PADI4: variants seen among roughly 807,000 people sequenced by gnomAD.
The protein encoded by PADI4 is peptidyl arginine deiminase 4, also known as protein-arginine deiminase type-4.
A neutral mutation model predicts 75.0 loss-of-function variants in PADI4; 62 were observed. The observed-to-expected ratio is 0.83, with a 90% CI of 0.67 to 1.02. PADI4 has a LOEUF of 1.02. PADI4 is among the 50% of genes least tolerant of loss of function. The pLI, the probability that PADI4 is intolerant of heterozygous loss-of-function variation, is 0.00. For missense variants in PADI4, 845 were observed against 850.5 expected, an observed-to-expected ratio of 0.99 and a Z score of 0.08; for synonymous variants, 361 against 348.1, an observed-to-expected ratio of 1.04 and a Z score of -0.41.
Position 17,331,122 on chromosome 1 carries a change from G to C in PADI4, c.246G>C (p.Val82=). The change falls in exon 2 of 16, where the codon GTG becomes GTC. Residue 82 remains valine (V), a synonymous_variant. Coordinates refer to ENST00000375448, the MANE Select transcript of PADI4 (RefSeq NM_012387.3). ...TAGAGGTGACCCTGACGATGAAAGT[G>C]GCCAGTGGTAGCACAGGCGACCAGA... The part of the protein sequence containing the change: ...PGVEVTLTMK[V]ASGSTGDQKV... The C allele has an allele frequency of 1.2e-6, 2 of 1,611,090 alleles. No homozygotes were observed. Among genetic ancestry groups the C allele is most frequent in the Non-Finnish European group, 1.7e-6 (2 of 1,178,684 alleles).
At chr1:17,359,507 C>T in intron 15 of PADI4, 99 bp downstream of exon 15, 11 of 1,523,630 alleles carry the variant, frequency 7.2e-6, no homozygotes, top group South Asian at 1.2e-5. Flanking sequence ...GGGCTTGGCT[C>T]CTCTCTGTAA....
At chr1:17,310,412 C>T (rs2073799322) in intron 1 of PADI4, among the ~76,000 whole-genome samples, 1 of 152,170 alleles carries the variant, frequency 6.6e-6, no homozygotes, top group African/African-American at 2.4e-5. Flanking sequence ...GCGCCTCCCT[C>T]CCATCTCCTG....
Position 17,346,222 on chromosome 1 carries a change from C to A in PADI4, c.1047+83C>A. 2.4e-6 allele frequency: 2 copies of A among 816,960 alleles called. No homozygotes were observed. Among genetic ancestry groups the A allele is most frequent in the South Asian group, 1.5e-5 (1 of 66,610 alleles). The allele number at this position is 816,960 out of a possible 1,614,324, so 50.6% of individuals were successfully genotyped here. ...GGGACCCGGGCTCCTGGGGTTCAGCCTGGTGCCTCACCGGCCACTCTTCCT... is the reference window on the plus strand; with the variant it reads ...GGGACCCGGGCTCCTGGGGTTCAGCATGGTGCCTCACCGGCCACTCTTCCT... On this transcript the variant is annotated intron_variant, in intron 9 of 15. Coordinates refer to ENST00000375448, the MANE Select transcript of PADI4 (RefSeq NM_012387.3). This position sits in a 1 kb window ranked among gnomAD's most constrained non-coding sequence, Gnocchi z 4.3.
At position 17,351,164 on chromosome 1, in the gene PADI4, C is replaced by G. The variant is rs149998177; in HGVS notation, c.1155+3116C>G. Among the ~76,000 whole-genome samples, 368 of 133,424 alleles carry G rather than the reference C, an allele frequency of 2.8e-3. 15 individuals carry two copies. Among genetic ancestry groups the G allele is most frequent in the African/African-American group, 9.1e-3 (345 of 37,950 alleles). The allele number at this position is 133,424 out of a possible 152,430, so 87.5% of individuals were successfully genotyped here. ...AGCGAGTCATGATTGCACTTCTGCACTCCAGTCTGGGTGACAGATGAGACC... is the reference window on the plus strand; with the variant it reads ...AGCGAGTCATGATTGCACTTCTGCAGTCCAGTCTGGGTGACAGATGAGACC... On this transcript the variant is annotated intron_variant, in intron 10 of 15. Transcript: ENST00000375448.
intron 1 of PADI4, among the ~76,000 whole-genome samples, chr1:17,323,422 G>C (rs1221314211): frequency 1.3e-5 from 2 of 152,130 alleles, no homozygotes; most frequent in Non-Finnish European, 2.9e-5. Flanking sequence ...GGAATTACTG[G>C]GGACCATCTT....
intron 1 of PADI4, among the ~76,000 whole-genome samples, chr1:17,330,154 C>A (rs1346398630): frequency 2.6e-5 from 4 of 152,096 alleles, no homozygotes; most frequent in Non-Finnish European, 4.4e-5. Flanking sequence ...TGTGTGGGAG[C>A]CTTTAGTGTG....
rs1196905126 is a variant in PADI4, at chr1:17,346,405, G to A, written c.1047+266G>A. Among the ~76,000 whole-genome samples the A allele has an allele frequency of 6.6e-6, 1 of 152,182 alleles. No individual in the cohort carries two copies. The highest frequency in any genetic ancestry group is 1.5e-5 in the Non-Finnish European group (1 of 68,040). Reference sequence around the variant, plus strand: ...AAACACTCAGGTGGCCTCAGGAAATGATGTGAAGCTCAGGAGATTGGTGCT... The same window carrying A: ...AAACACTCAGGTGGCCTCAGGAAATAATGTGAAGCTCAGGAGATTGGTGCT... On this transcript the variant is annotated intron_variant, in intron 9 of 15. Transcript: ENST00000375448. This position sits in a 1 kb window ranked among gnomAD's most constrained non-coding sequence, Gnocchi z 4.3.
At chr1:17,334,208 G>C (rs975403608) in intron 3 of PADI4, 199 bp downstream of exon 3, 1 of 583,640 alleles carries the variant, frequency 1.7e-6, no homozygotes, top group Non-Finnish European at 3.2e-6. Context: ...GAAATACAAT[G>C]TGGCAGTGGT....
At chr1:17,358,942 T>G (rs770778962) in intron 14 of PADI4, 34 bp downstream of exon 14, 1 of 1,443,804 alleles carries the variant, frequency 6.9e-7, no homozygotes, top group Non-Finnish European at 9.6e-7. Flanking sequence ...CCAGCAGACC[T>G]GACGCCCTGT....
chr1:17,340,626 G>T (rs2074400628), intron 6 of PADI4, among the ~76,000 whole-genome samples: 1 of 151,888 alleles, frequency 6.6e-6, no homozygotes, highest in Non-Finnish European at 1.5e-5. Context: ...AGTGGGGGAT[G>T]AGGGTGGAAG....
intron 5 of PADI4, 140 bp downstream of exon 5, chr1:17,338,295 C>A (rs2074353727): frequency 3.2e-6 from 2 of 626,754 alleles, no homozygotes; most frequent in Admixed American, 2.1e-5. Context: ...ATAGGTGAAG[C>A]AATGGGCAAA....
intron 15 of PADI4, among the ~76,000 whole-genome samples, chr1:17,363,193 A>G (rs1369827094): frequency 6.6e-6 from 1 of 152,174 alleles, no homozygotes; most frequent in East Asian, 1.9e-4. Flanking sequence ...ATCACAGCTC[A>G]CTGCAGCCTT....
rs754787815 is a variant in PADI4, at chr1:17,342,034, C to G, written c.744C>G (p.Asp248Glu). The G allele has an allele frequency of 1.2e-6, 2 of 1,613,888 alleles. No individual in the cohort carries two copies. The highest frequency in any genetic ancestry group is 1.7e-6 in the Non-Finnish European group (2 of 1,179,776). Residue 248 changes from aspartate (D) to glutamate (E), a missense_variant, in exon 7 of 16, where the codon GAC becomes GAG. Transcript: ENST00000375448. Reference sequence around the variant, plus strand: ...TCCCCGGTGGAAAGCACAACATGGACTTCTACGTGGAGGCCCTCGCTTTCC... The same window carrying G: ...TCCCCGGTGGAAAGCACAACATGGAGTTCTACGTGGAGGCCCTCGCTTTCC... ...LMVPGGKHNM[D>E]FYVEALAFPD...
chr1:17,361,535 C>G (rs2074848829), intron 15 of PADI4, among the ~76,000 whole-genome samples: 1 of 152,230 alleles, frequency 6.6e-6, no homozygotes, highest in South Asian at 2.1e-4. Flanking sequence ...CGGTGGCCCC[C>G]TTGAGGACTC....
chr1:17,311,546 G>A (rs867396554), intron 1 of PADI4, among the ~76,000 whole-genome samples: 1 of 146,698 alleles, frequency 6.8e-6, no homozygotes, highest in African/African-American at 2.5e-5. Flanking sequence ...TTTTAAAAAC[G>A]GAGTCTCGCT....
At chr1:17,340,807 T>TA (rs375128921) in intron 6 of PADI4, among the ~76,000 whole-genome samples, 1 of 143,466 alleles carries the variant, frequency 7.0e-6, no homozygotes, top group East Asian at 2.0e-4. Flanking sequence ...TTTTTTTTTT[T>TA]AATTTTTTTT....
intron 10 of PADI4, among the ~76,000 whole-genome samples, chr1:17,351,976 T>A (rs140749946): frequency 0.36 from 21,167 of 58,168 alleles, 3,671 homozygotes; most frequent in African/African-American, 0.54. Context: ...GCCAGGGAGG[T>A]GATGGGAGGA....
At chr1:17,335,479 T>C (rs931907730) in intron 3 of PADI4, among the ~76,000 whole-genome samples, 1 of 152,218 alleles carries the variant, frequency 6.6e-6, no homozygotes, top group African/African-American at 2.4e-5. Flanking sequence ...AAGACGTGGC[T>C]ATGAATATGT....
intron 1 of PADI4, among the ~76,000 whole-genome samples, chr1:17,312,695 A>G (rs577665767): frequency 2.6e-5 from 4 of 152,260 alleles, no homozygotes; most frequent in Admixed American, 2.6e-4. Flanking sequence ...GTTGCAGGTA[A>G]GCAGAGGGAT....
Sources: gnomAD v4.1 joint callset for allele counts (sites outside exome capture counted in the v4.1 genomes callset) on GRCh38, gnomAD v4.1.1 for gene constraint, Gnocchi (gnomAD v3.1) non-coding constraint, MANE v1.5 for transcripts, NCBI Gene and HGNC (gene_info 2026-07-23, HGNC 2026-07-21) for gene names.